Variants in PREX2 observed in about 807,000 individuals in gnomAD.
The protein encoded by PREX2 is phosphatidylinositol-3,4,5-trisphosphate dependent Rac exchange factor 2.
A neutral mutation model predicts 203.2 loss-of-function variants in PREX2; 107 were observed. That is an observed-to-expected ratio of 0.53 (90% CI 0.45 to 0.62). The LOEUF (loss-of-function observed/expected upper bound fraction) is 0.62. Ranked by LOEUF, PREX2 falls within the 20% of genes least tolerant of loss-of-function variation. PREX2 has a pLI of 0.00. For synonymous variants in PREX2, 672 were observed against 663.6 expected, an observed-to-expected ratio of 1.01 and a Z score of -0.19; for missense variants, 1,777 against 1,955.9, an observed-to-expected ratio of 0.91 and a Z score of 1.72.
intron 35 of PREX2, among the ~76,000 whole-genome samples, chr8:68,174,560 C>T (rs1811942095): frequency 6.6e-6 from 1 of 152,104 alleles, no homozygotes; most frequent in Admixed American, 6.6e-5. Context: ...CTCACATGCC[C>T]CTAAATTTGC....
chr8:68,158,134 TAC>T (rs1563569297), intron 35 of PREX2, among the ~76,000 whole-genome samples: 2 of 146,068 alleles, frequency 1.4e-5, no homozygotes, highest in East Asian at 2.0e-4. Flanking sequence ...TATATATATA[TAC>T]ACACATATAT....
intron 25 of PREX2, chr8:68,111,028 C>A: frequency 2.8e-6 from 1 of 362,000 alleles, no homozygotes. Flanking sequence ...CTTGTGACAG[C>A]AGTTTATATT....
intron 35 of PREX2, among the ~76,000 whole-genome samples, chr8:68,181,139 A>G (rs1250593942): frequency 2.6e-5 from 4 of 152,290 alleles, no homozygotes; most frequent in African/African-American, 9.6e-5. Flanking sequence ...AAGGCGATAA[A>G]CATGACAAAG....
chr8:68,011,219 CT>C (rs560968193), intron 1 of PREX2, among the ~76,000 whole-genome samples: 6 of 151,144 alleles, frequency 4.0e-5, no homozygotes, highest in African/African-American at 1.2e-4. Flanking sequence ...TTTGTTTTAG[CT>C]TTTTTTTTCT....
At chr8:67,963,823 A>G (rs1262251477) in intron 1 of PREX2, among the ~76,000 whole-genome samples, 2 of 152,208 alleles carry the variant, frequency 1.3e-5, no homozygotes, top group South Asian at 2.1e-4. Context: ...GGAAAGCCAT[A>G]TGTAATCAAC....
At chr8:68,075,337 T>A (rs1809315470) in intron 14 of PREX2, among the ~76,000 whole-genome samples, 1 of 152,226 alleles carries the variant, frequency 6.6e-6, no homozygotes, top group South Asian at 2.1e-4. Flanking sequence ...CTTGTAAGCT[T>A]AATGTTCAAG....
At chr8:68,098,527 T>C (rs188985599) in intron 22 of PREX2, among the ~76,000 whole-genome samples, 29 of 152,266 alleles carry the variant, frequency 1.9e-4, no homozygotes, top group East Asian at 1.7e-3. Context: ...GTCTACATTA[T>C]AGTATTCATG....
chr8:67,996,861 G>C (rs997379807), intron 1 of PREX2, among the ~76,000 whole-genome samples: 3 of 152,116 alleles, frequency 2.0e-5, no homozygotes, highest in Non-Finnish European at 4.4e-5. Flanking sequence ...TCTCCATAGG[G>C]ATGGATGGTT....
chr8:68,134,382 A>G, intron 32 of PREX2, 106 bp downstream of exon 32: 7 of 871,460 alleles, frequency 8.0e-6, no homozygotes, highest in Non-Finnish European at 1.1e-5. Context: ...TATCTCTATG[A>G]ATGTGCGTGC....
At chr8:68,138,712 G>A (rs957461199) in intron 33 of PREX2, among the ~76,000 whole-genome samples, 195 bp downstream of exon 33, 1 of 152,112 alleles carries the variant, frequency 6.6e-6, no homozygotes. Flanking sequence ...GTAGCAATAT[G>A]TATGGTTTAA....
chr8:68,216,933 G>T (rs1201874131), intron 37 of PREX2, among the ~76,000 whole-genome samples: 1 of 145,770 alleles, frequency 6.9e-6, no homozygotes, highest in Non-Finnish European at 1.5e-5. Context: ...CTGCACTCCA[G>T]CCTGGCAACA....
intron 1 of PREX2, among the ~76,000 whole-genome samples, chr8:67,997,926 A>G (rs1806814468): frequency 6.6e-6 from 1 of 152,100 alleles, no homozygotes; most frequent in Admixed American, 6.6e-5. Flanking sequence ...AAATGATAAT[A>G]TTATTATTTT....
rs568887712 is a variant in PREX2, at chr8:68,076,492, GA to G, written c.1570-899del. Reference sequence around the variant, plus strand: ...TAGCTTAATTGTTAGAAAGAGTCCAGAAAAAATTATGGTAATTTAGAAGGGA... The same window carrying G: ...TAGCTTAATTGTTAGAAAGAGTCCAGAAAAATTATGGTAATTTAGAAGGGA... On this transcript the variant is annotated intron_variant, in intron 14 of 39. Coordinates refer to ENST00000288368, the MANE Select transcript of PREX2 (RefSeq NM_024870.4). Among the ~76,000 whole-genome samples, 147 of 151,796 alleles carry G rather than the reference GA, an allele frequency of 9.7e-4. 2 individuals carry two copies. In the Middle Eastern group the frequency reaches 0.014, roughly 14 times the overall value.
intron 1 of PREX2, among the ~76,000 whole-genome samples, chr8:68,005,142 C>T (rs1183466940): frequency 9.2e-5 from 14 of 152,284 alleles, no homozygotes; most frequent in Admixed American, 8.5e-4. Context: ...GGGTCTCTCC[C>T]ATACCGGTAA....
intron 31 of PREX2, among the ~76,000 whole-genome samples, chr8:68,129,150 A>G (rs1810952969): frequency 6.6e-6 from 1 of 152,220 alleles, no homozygotes; most frequent in Admixed American, 6.5e-5. Flanking sequence ...AGCACATAGT[A>G]TACAGTCAAC....
intron 8 of PREX2, among the ~76,000 whole-genome samples, chr8:68,051,227 C>T (rs964495955): frequency 6.6e-6 from 1 of 152,088 alleles, no homozygotes. Flanking sequence ...CTTGTGTTCC[C>T]TGTGCTCTGT....
chr8:68,098,938 G>GTGTATATA (rs1352978343), intron 22 of PREX2, among the ~76,000 whole-genome samples: 49 of 109,804 alleles, frequency 4.5e-4, no homozygotes, highest in East Asian at 4.4e-3. Context: ...ATATATATGT[G>GTGTATATA]TATATATATA....
chr8:68,095,500 AATAC>A (rs372847646), intron 21 of PREX2, among the ~76,000 whole-genome samples: 3,136 of 77,984 alleles, frequency 0.04, 97 homozygotes, highest in African/African-American at 0.14. Flanking sequence ...AACGGGGCCA[AATAC>A]ATACATACAT....
intron 25 of PREX2, chr8:68,114,415 C>A (rs1046469017): frequency 2.3e-6 from 1 of 439,820 alleles, no homozygotes; most frequent in South Asian, 1.6e-5. Flanking sequence ...TTAGTAAATG[C>A]GAAGATGGCT....
Sources: allele counts gnomAD v4.1 joint callset (sites outside exome capture counted in the v4.1 genomes callset), GRCh38; gene constraint gnomAD v4.1.1; transcripts MANE v1.5; gene names NCBI Gene and HGNC (gene_info 2026-07-23, HGNC 2026-07-21).